Variants in GRM7 observed in about 807,000 individuals in gnomAD.
The protein encoded by GRM7 is glutamate metabotropic receptor 7, also known as metabotropic glutamate receptor 7.
A neutral mutation model predicts 84.5 loss-of-function variants in GRM7; 35 were observed. The ratio of observed to expected loss-of-function variants is 0.41; its 90% CI spans 0.32 to 0.55. GRM7 has a LOEUF of 0.55. GRM7 is among the 20% of genes least tolerant of loss of function. GRM7 has a pLI of 0.19. For synonymous variants in GRM7, 487 were observed against 455.1 expected (o/e 1.07, Z -0.89); for missense variants, 1,003 against 1,194.6 (o/e 0.84, Z 2.36).
intron 8 of GRM7, among the ~76,000 whole-genome samples, chr3:7,646,960 G>T (rs1177076939): frequency 6.6e-6 from 1 of 152,150 alleles, no homozygotes; most frequent in African/African-American, 2.4e-5. Flanking sequence ...TGCATTACCA[G>T]GTACACTTGT....
At chr3:7,307,059 C>A (rs1031999550) in intron 4 of GRM7, among the ~76,000 whole-genome samples, 4 of 152,216 alleles carry the variant, frequency 2.6e-5, no homozygotes, top group African/African-American at 9.6e-5. Context: ...CCCTTTCCCC[C>A]CTTATCTCTC....
intron 1 of GRM7, among the ~76,000 whole-genome samples, chr3:6,949,763 T>G (rs546394735): frequency 6.6e-6 from 1 of 152,192 alleles, no homozygotes. Context: ...TTCGTTTTAT[T>G]CTTTTTTCTC....
intron 8 of GRM7, among the ~76,000 whole-genome samples, chr3:7,669,602 C>T (rs538062412): frequency 1.3e-5 from 2 of 152,162 alleles, no homozygotes; most frequent in African/African-American, 4.8e-5. Flanking sequence ...GGCAAGGAGT[C>T]GAAGAACATG....
At chr3:7,338,688 C>A (rs1444472760) in intron 4 of GRM7, among the ~76,000 whole-genome samples, 1 of 151,972 alleles carries the variant, frequency 6.6e-6, no homozygotes, top group Non-Finnish European at 1.5e-5. Flanking sequence ...GTATTGAGAT[C>A]ACTGGACCAC....
chr3:7,632,122 G>A (rs772344331), intron 8 of GRM7, among the ~76,000 whole-genome samples: 1 of 152,216 alleles, frequency 6.6e-6, no homozygotes, highest in South Asian at 2.1e-4. Flanking sequence ...TTGTGTAAGT[G>A]GAGGTGCTAG....
At chr3:7,055,490 T>TGTGC (rs966722365) in intron 1 of GRM7, among the ~76,000 whole-genome samples, 5 of 150,214 alleles carry the variant, frequency 3.3e-5, no homozygotes, top group African/African-American at 1.2e-4. Context: ...TGTGTGTGTG[T>TGTGC]GTGTGTGTGT....
intron 4 of GRM7, among the ~76,000 whole-genome samples, chr3:7,379,538 A>G (rs1161088894): frequency 6.6e-6 from 1 of 152,318 alleles, no homozygotes; most frequent in Admixed American, 6.5e-5. Flanking sequence ...CTTTATTAGT[A>G]AAATCTGTAT....
intron 4 of GRM7, among the ~76,000 whole-genome samples, chr3:7,346,271 T>C (rs528318421): frequency 6.6e-6 from 1 of 152,264 alleles, no homozygotes; most frequent in South Asian, 2.1e-4. Flanking sequence ...AGCTCACCAA[T>C]TTGATGTGTT....
intron 9 of GRM7, among the ~76,000 whole-genome samples, chr3:7,723,050 AT>A (rs138871478): frequency 0.023 from 3,544 of 152,250 alleles, 139 homozygotes; most frequent in African/African-American, 0.081. Context: ...CACCACAAAG[AT>A]TTAACTGTTA....
intron 2 of GRM7, among the ~76,000 whole-genome samples, chr3:7,280,485 G>A (rs1444325830): frequency 2.6e-5 from 4 of 152,180 alleles, no homozygotes; most frequent in Admixed American, 2.0e-4. Context: ...TATTAGCTGT[G>A]TGACCCTAGG....
intron 7 of GRM7, among the ~76,000 whole-genome samples, chr3:7,502,207 C>G (rs1331751299): frequency 6.6e-6 from 1 of 152,038 alleles, no homozygotes; most frequent in African/African-American, 2.4e-5. Context: ...GTGACTGCCA[C>G]AATAAACAGT....
intron 7 of GRM7, among the ~76,000 whole-genome samples, chr3:7,562,033 G>A (rs1694047542): frequency 6.6e-6 from 1 of 152,064 alleles, no homozygotes; most frequent in Non-Finnish European, 1.5e-5. Context: ...CCAACTGCTT[G>A]AGTTGTTTCC....
chr3:7,493,397 CTTT>C lies in GRM7; in HGVS notation c.1515+31682_1515+31684del, dbSNP rs150699622. Among the ~76,000 whole-genome samples the C allele has an allele frequency of 1.3e-4, 20 of 150,738 alleles. No homozygotes were observed. In the East Asian group the frequency reaches 3.7e-3, roughly 28 times the overall value. ...CATAATGTTTCTTGGTTGATTGATC[CTTT>C]TTTTTTCTCATTATTGTAACATTTT... On this transcript the variant is annotated intron_variant, in intron 7 of 9. Transcript: ENST00000357716.
At chr3:7,218,713 T>C (rs1056449978) in intron 2 of GRM7, among the ~76,000 whole-genome samples, 1 of 152,120 alleles carries the variant, frequency 6.6e-6, no homozygotes, top group Non-Finnish European at 1.5e-5. Flanking sequence ...TCCTTTAATT[T>C]TCTATTCATA....
At chr3:7,081,826 C>T (rs1698284845) in intron 1 of GRM7, among the ~76,000 whole-genome samples, 1 of 151,976 alleles carries the variant, frequency 6.6e-6, no homozygotes, top group Non-Finnish European at 1.5e-5. Flanking sequence ...GATAGAAAAT[C>T]CAACCAGCCA....
intron 2 of GRM7, among the ~76,000 whole-genome samples, chr3:7,191,601 T>G (rs903861776): frequency 1.3e-5 from 2 of 151,352 alleles, no homozygotes; most frequent in Non-Finnish European, 2.9e-5. Context: ...ACAACTTGGA[T>G]AAATCACAAA....
At chr3:7,467,153 T>C (rs945133565) in intron 7 of GRM7, among the ~76,000 whole-genome samples, 1 of 152,168 alleles carries the variant, frequency 6.6e-6, no homozygotes, top group African/African-American at 2.4e-5. Flanking sequence ...AGTGGCGCGA[T>C]CTTGGCTCAC....
Position 7,054,758 on chromosome 3 carries a change from T to C in GRM7, c.520-91694T>C, listed in dbSNP as rs187681257. Among the ~76,000 whole-genome samples, 369 of 152,004 alleles carry C rather than the reference T, an allele frequency of 2.4e-3. 1 individual carries two copies. In the Middle Eastern group the frequency reaches 0.034, roughly 14 times the overall value. On this transcript the variant is annotated intron_variant, in intron 1 of 9. Transcript: ENST00000357716. Reference sequence around the variant, plus strand: ...TTCTGTCTGTCTCTCTCTTTCTCTCTCTCTACCCATCGTTCTCCTCTTAAC... The same window carrying C: ...TTCTGTCTGTCTCTCTCTTTCTCTCCCTCTACCCATCGTTCTCCTCTTAAC...
At chr3:6,953,196 C>T (rs1464680292) in intron 1 of GRM7, among the ~76,000 whole-genome samples, 1 of 152,100 alleles carries the variant, frequency 6.6e-6, no homozygotes, top group East Asian at 1.9e-4. Context: ...CTGTCATTTC[C>T]CAGTGCCTCA....
Sources: gnomAD v4.1 joint callset for allele counts (sites outside exome capture counted in the v4.1 genomes callset) on GRCh38, gnomAD v4.1.1 for gene constraint, MANE v1.5 for transcripts, NCBI Gene and HGNC (gene_info 2026-07-23, HGNC 2026-07-21) for gene names.